SLC66A2: variants seen among roughly 807,000 people sequenced by gnomAD.
SLC66A2 encodes solute carrier family 66 member 2, also known as PQ loop repeat containing 1.
SLC66A2 carries 23 observed loss-of-function variants against 25.5 expected under a neutral mutation model. The observed-to-expected ratio is 0.90, with a 90% confidence interval of 0.65 to 1.28. SLC66A2 has a LOEUF of 1.28. SLC66A2 is among the 50% of genes most tolerant of loss of function. SLC66A2 has a pLI of 0.00. For missense variants in SLC66A2, 396 were observed against 373.1 expected (o/e 1.06, Z -0.51); for synonymous variants, 193 against 166.5 (o/e 1.16, Z -1.23).
chr18:79,939,875 C>T (rs1218950723), intron 3 of SLC66A2, among the ~76,000 whole-genome samples: 2 of 152,118 alleles, frequency 1.3e-5, no homozygotes, highest in Non-Finnish European at 2.9e-5. Flanking sequence ...TGGGTATAAA[C>T]GCCAGGAATA....
At chr18:79,915,136 G>C (rs1983800782) in intron 5 of SLC66A2, among the ~76,000 whole-genome samples, 1 of 152,226 alleles carries the variant, frequency 6.6e-6, no homozygotes, top group South Asian at 2.1e-4. Context: ...TGGCTGGCAG[G>C]CATGGGGTCA....
At chr18:79,912,109 G>C (rs888279829) in intron 5 of SLC66A2, among the ~76,000 whole-genome samples, 1 of 139,046 alleles carries the variant, frequency 7.2e-6, no homozygotes, top group African/African-American at 2.7e-5. Flanking sequence ...GACAGGAGTG[G>C]GGGGGACGGG....
intron 5 of SLC66A2, among the ~76,000 whole-genome samples, chr18:79,914,645 C>T (rs1983724183): frequency 2.0e-5 from 3 of 152,228 alleles, no homozygotes. Flanking sequence ...GGAGCGGTGG[C>T]CTGGACCCAT....
chr18:79,947,017 T>C (rs1358278343), intron 2 of SLC66A2, among the ~76,000 whole-genome samples: 1 of 152,182 alleles, frequency 6.6e-6, no homozygotes, highest in African/African-American at 2.4e-5. Context: ...TATCTACTCT[T>C]AGGCACCACT....
rs1002431942 is a variant in SLC66A2, at chr18:79,927,663, G to A, written c.391+6306C>T. On this transcript the variant is annotated intron_variant, in intron 4 of 5. Transcript: ENST00000397778. This position sits in a 1 kb window ranked among gnomAD's most constrained non-coding sequence, Gnocchi z 6.2. ...ACCCTCGGGGAGTGACAGAGCCCCC[G>A]CCCCAACCCCAGTGAGTGGGACAGG... is the stretch of plus-strand genomic sequence containing the variant. Among the ~76,000 whole-genome samples the A allele has an allele frequency of 7.2e-5, 11 of 152,094 alleles. No individual in the cohort carries two copies. Among genetic ancestry groups the A allele is most frequent in the Admixed American group, 1.3e-4 (2 of 15,288 alleles).
At chr18:79,922,153 C>T (rs985700491) in intron 4 of SLC66A2, among the ~76,000 whole-genome samples, 1 of 151,988 alleles carries the variant, frequency 6.6e-6, no homozygotes, top group Non-Finnish European at 1.5e-5. Context: ...ACATAAAAGA[C>T]GCTGACATCA....
intron 5 of SLC66A2, among the ~76,000 whole-genome samples, chr18:79,906,790 A>T (rs973133995): frequency 4.6e-5 from 7 of 152,032 alleles, no homozygotes; most frequent in Admixed American, 1.3e-4. Flanking sequence ...GCAACTGGGG[A>T]TTTGTCTTTG....
intron 4 of SLC66A2, among the ~76,000 whole-genome samples, chr18:79,924,127 G>C (rs529943972): frequency 2.0e-5 from 3 of 152,222 alleles, no homozygotes; most frequent in Admixed American, 1.3e-4. Context: ...CGGCGGAGAG[G>C]CTCCCGAGGA....
chr18:79,947,218 A>G (rs2050955689), intron 2 of SLC66A2: 1 of 152,358 alleles, frequency 6.6e-6, no homozygotes, highest in South Asian at 2.1e-4. Flanking sequence ...GCTGGCAAAC[A>G]CCAGCTATGA....
At chr18:79,939,898 CT>C (rs1987495188) in intron 3 of SLC66A2, among the ~76,000 whole-genome samples, 1 of 152,194 alleles carries the variant, frequency 6.6e-6, no homozygotes, top group Non-Finnish European at 1.5e-5. Context: ...AATCGCTCTA[CT>C]ATAGACACAT....
Position 79,934,993 on chromosome 18 carries a change from C to T in SLC66A2, c.338-971G>A, listed in dbSNP as rs190627723. Reference sequence around the variant, plus strand: ...ATAAACCAATGCAGCATACAAAGTGCAGTCTTCTCTCCTCCCTCAGCCTCC... The same window carrying T: ...ATAAACCAATGCAGCATACAAAGTGTAGTCTTCTCTCCTCCCTCAGCCTCC... On this transcript the variant is annotated intron_variant, in intron 3 of 5. Transcript: ENST00000397778. Among the ~76,000 whole-genome samples the T allele has an allele frequency of 2.5e-3, 379 of 152,286 alleles. 3 individuals are homozygous for T. Among genetic ancestry groups the T allele is most frequent in the African/African-American group, 8.0e-3 (331 of 41,564 alleles).
In SLC66A2 at chr18:79,916,997, C is replaced by T. The variant is rs148969204; in HGVS notation, c.608+2187G>A. On this transcript the variant is annotated intron_variant, in intron 5 of 5. Transcript: ENST00000397778. Reference sequence around the variant, plus strand: ...CCCGCCGCAGGACCGACTGCCTGCTCGGTGCTGGGGAGACGCCTGCACATG... The same window carrying T: ...CCCGCCGCAGGACCGACTGCCTGCTTGGTGCTGGGGAGACGCCTGCACATG... 1.4e-3 allele frequency among the ~76,000 whole-genome samples: 218 copies of T among 152,360 alleles called. 1 individual carries two copies. The highest frequency in any genetic ancestry group is 2.4e-3 in the Non-Finnish European group (165 of 68,022).
intron 4 of SLC66A2, among the ~76,000 whole-genome samples, chr18:79,930,803 A>C (rs953762650): frequency 3.3e-5 from 5 of 152,222 alleles, no homozygotes; most frequent in Non-Finnish European, 7.4e-5. Context: ...ATAACTCCAT[A>C]ATATATGTTT....
At position 79,937,654 on chromosome 18, in the gene SLC66A2, C is replaced by A. The variant is rs1478278347; in HGVS notation, c.338-3632G>T. Among the ~76,000 whole-genome samples the A allele has an allele frequency of 6.6e-6, 1 of 152,180 alleles. No individual in the cohort carries two copies. Among genetic ancestry groups the A allele is most frequent in the Admixed American group, 6.5e-5 (1 of 15,278 alleles). ...AGCCCCACAGTGGCCGCTGACCACA[C>A]GCACCTCCGACGGAACGACGCAACC... On this transcript the variant is annotated intron_variant, in intron 3 of 5. Transcript: ENST00000397778. This position sits in a 1 kb window ranked among gnomAD's most constrained non-coding sequence, Gnocchi z 5.4.
chr18:79,948,353 ATTCTT>A (rs928273948), intron 2 of SLC66A2, among the ~76,000 whole-genome samples: 5 of 151,788 alleles, frequency 3.3e-5, no homozygotes, highest in African/African-American at 1.2e-4. Flanking sequence ...CATTAGATAG[ATTCTT>A]TTCTTTCTTT....
rs368693736 is a variant in SLC66A2, at chr18:79,945,978, T to C, written c.204-2516A>G. 1.5e-3 allele frequency among the ~76,000 whole-genome samples: 227 copies of C among 152,288 alleles called. 1 individual carries two copies. Among genetic ancestry groups the C allele is most frequent in the African/African-American group, 5.1e-3 (214 of 41,562 alleles). On this transcript the variant is annotated intron_variant, in intron 2 of 5. Transcript: ENST00000397778. ...ACACGGAGGCCACTTCACACCACGTTCACCTCCAGCAATGAGGCTGCACGT... is the reference window on the plus strand; with the variant it reads ...ACACGGAGGCCACTTCACACCACGTCCACCTCCAGCAATGAGGCTGCACGT...
intron 5 of SLC66A2, chr18:79,915,984 C>CCGTACCCA (rs1489983667): frequency 5.8e-6 from 1 of 173,022 alleles, no homozygotes; most frequent in Admixed American, 6.7e-5. Context: ...CACAGTGCTT[C>CCGTACCCA]TGTACCCGCG....
rs536566964 is a variant in SLC66A2, at chr18:79,902,920, G to A, written c.*1056C>T. ...AGTGAGGGAGCCAGCACACGGGGGT[G>A]GGCAGTGGACAGGACAGGATGCGGC... On this transcript the variant is annotated 3_prime_UTR_variant, in exon 6 of 6. Coordinates refer to ENST00000397778, the MANE Select transcript of SLC66A2 (RefSeq NM_025078.5). 199 of 152,790 alleles carry A rather than the reference G, an allele frequency of 1.3e-3. No individual in the cohort carries two copies. The highest frequency in any genetic ancestry group is 2.2e-3 in the Non-Finnish European group (152 of 68,406). The allele number at this position is 152,790 out of a possible 1,614,324, so 9.5% of individuals were successfully genotyped here.
chr18:79,931,587 CAGA>C (rs1401872422), intron 4 of SLC66A2, among the ~76,000 whole-genome samples: 6 of 152,232 alleles, frequency 3.9e-5, no homozygotes, highest in Admixed American at 2.0e-4. Context: ...AACAACTACA[CAGA>C]AGAACAATAA....
Sources: allele counts gnomAD v4.1 joint callset (sites outside exome capture counted in the v4.1 genomes callset), GRCh38; gene constraint gnomAD v4.1.1; non-coding constraint Gnocchi (gnomAD v3.1); transcripts MANE v1.5; gene names NCBI Gene and HGNC (gene_info 2026-07-23, HGNC 2026-07-21).